Variants in ACTMAP observed in about 807,000 individuals in gnomAD.
ACTMAP encodes UPF0692 protein C19orf54.
At chr19:40,744,267 C>T in the ACTMAP span, 62 of 1,470,328 alleles carry the variant, frequency 4.2e-5, no homozygotes, top group African/African-American at 7.6e-4. Context: ...TCACAGTGGG[C>T]GATGCTTCCA....
the ACTMAP span, chr19:40,744,855 T>C: frequency 9.1e-7 from 1 of 1,098,028 alleles, no homozygotes; most frequent in Non-Finnish European, 1.3e-6. Flanking sequence ...GGGCTGGGGG[T>C]GGAAGGCGGG....
the ACTMAP span, chr19:40,744,656 T>C: frequency 6.2e-7 from 1 of 1,612,762 alleles, no homozygotes; most frequent in Non-Finnish European, 8.5e-7. Flanking sequence ...GGAGAGTACC[T>C]GCCATCCACA....
chr19:40,747,625 CAAG>C, the ACTMAP span, among the ~76,000 whole-genome samples: 1 of 152,030 alleles, frequency 6.6e-6, no homozygotes, highest in Non-Finnish European at 1.5e-5. Context: ...GTGGTCGAGA[CAAG>C]AAGATCGCTT....
At chr19:40,742,763 C>T in the ACTMAP span, 1 of 1,606,852 alleles carries the variant, frequency 6.2e-7, no homozygotes, top group East Asian at 2.2e-5. Context: ...GAACACCCAG[C>T]AGGACCCCTG....
the ACTMAP span, chr19:40,742,774 G>C: frequency 6.2e-7 from 1 of 1,602,470 alleles, no homozygotes; most frequent in Non-Finnish European, 8.5e-7. Context: ...AGGACCCCTG[G>C]GGGAGAGGAG....
the ACTMAP span, chr19:40,741,770 C>T: frequency 2.0e-5 from 9 of 456,524 alleles, no homozygotes; most frequent in East Asian, 1.4e-4. Context: ...TCTGTCAAAT[C>T]GGGTCCATCT....
chr19:40,748,976 C>T, the ACTMAP span, among the ~76,000 whole-genome samples: 1 of 148,498 alleles, frequency 6.7e-6, no homozygotes, highest in Admixed American at 6.7e-5. Flanking sequence ...CTAGACTGGG[C>T]ATTTGCTCTT....
At chr19:40,747,903 C>T in the ACTMAP span, among the ~76,000 whole-genome samples, 32 of 152,168 alleles carry the variant, frequency 2.1e-4, no homozygotes, top group East Asian at 6.0e-3. Context: ...GGAGCCCTGC[C>T]GCCAGAGTTC....
the ACTMAP span, chr19:40,742,804 A>T: frequency 6.4e-7 from 1 of 1,566,296 alleles, no homozygotes; most frequent in Non-Finnish European, 8.7e-7. Flanking sequence ...AGTGGCAGTG[A>T]CTGAGCCAGG....
the ACTMAP span, chr19:40,741,384 A>T: frequency 5.2e-6 from 1 of 190,936 alleles, no homozygotes; most frequent in African/African-American, 2.4e-5. Context: ...TGGAGGCTGG[A>T]GTGAGCTGAG....
chr19:40,749,305 G>A, the ACTMAP span, among the ~76,000 whole-genome samples: 1 of 152,120 alleles, frequency 6.6e-6, no homozygotes, highest in Non-Finnish European at 1.5e-5. Context: ...CTGGGCACTT[G>A]TGAGGACAGC....
the ACTMAP span, among the ~76,000 whole-genome samples, chr19:40,745,395 T>C: frequency 6.6e-6 from 1 of 152,212 alleles, no homozygotes; most frequent in Non-Finnish European, 1.5e-5. Flanking sequence ...TTTGTGGGAA[T>C]GGTCCTTCTG....
chr19:40,747,969 C>A, the ACTMAP span, among the ~76,000 whole-genome samples: 4 of 152,136 alleles, frequency 2.6e-5, no homozygotes, highest in Non-Finnish European at 4.4e-5. Context: ...AGCTAAGGGG[C>A]TTCACTTCTA....
At chr19:40,749,426 T>G in the ACTMAP span, 1 of 1,293,466 alleles carries the variant, frequency 7.7e-7, no homozygotes, top group Non-Finnish European at 1.1e-6. Context: ...CCCCAAGAGA[T>G]CTGTGAAGTG....
the ACTMAP span, among the ~76,000 whole-genome samples, chr19:40,746,698 C>G: frequency 4.0e-5 from 6 of 151,792 alleles, no homozygotes; most frequent in Admixed American, 3.9e-4. Flanking sequence ...TTAGTAGATA[C>G]GGGGTTTCTC....
At chr19:40,742,088 G>A in the ACTMAP span, 112 of 523,286 alleles carry the variant, frequency 2.1e-4, 3 homozygotes, top group South Asian at 1.7e-3. Flanking sequence ...GCTAAGGAGG[G>A]GTGAGCTGAG....
At chr19:40,742,860 A>AGGGT in the ACTMAP span, 1 of 1,296,134 alleles carries the variant, frequency 7.7e-7, no homozygotes, top group Non-Finnish European at 1.1e-6. Flanking sequence ...CCGGCCCTCC[A>AGGGT]GGGTGGGTGC....
At chr19:40,744,707 G>A in the ACTMAP span, 5 of 1,590,020 alleles carry the variant, frequency 3.1e-6, no homozygotes, top group African/African-American at 4.0e-5. Context: ...GGCCCAGCCT[G>A]TCAATCCTAT....
chr19:40,744,060 G>A, the ACTMAP span: 6 of 1,613,898 alleles, frequency 3.7e-6, no homozygotes, highest in Middle Eastern at 1.7e-4. Flanking sequence ...CCCAGGCCCT[G>A]GGATACGGGA....
Sources: gnomAD v4.1 joint callset for allele counts (sites outside exome capture counted in the v4.1 genomes callset) on GRCh38, gnomAD v4.1.1 for gene constraint, MANE v1.5 for transcripts, NCBI Gene and HGNC (gene_info 2026-07-23, HGNC 2026-07-21) for gene names.